The following ANKH variants were observed in gnomAD, a reference collection of about 807,000 sequenced individuals.
ANKH encodes mineralization regulator ANKH.
ANKH carries 15 observed loss-of-function variants against 49.0 expected under a neutral mutation model. That is an observed-to-expected ratio of 0.31 (90% CI 0.20 to 0.47). The LOEUF (loss-of-function observed/expected upper bound fraction) is 0.47. Among genes scored for constraint, ANKH ranks in the 20% least tolerant of loss-of-function variants. ANKH has a pLI of 1.00. For synonymous variants in ANKH, 273 were observed against 260.0 expected, an observed-to-expected ratio of 1.05 and a Z score of -0.48; for missense variants, 429 against 652.0, an observed-to-expected ratio of 0.66 and a Z score of 3.72.
At chr5:14,790,617 T>C (rs1740131753) in intron 1 of ANKH, among the ~76,000 whole-genome samples, 1 of 152,222 alleles carries the variant, frequency 6.6e-6, no homozygotes, top group South Asian at 2.1e-4. Context: ...TAAAATTATT[T>C]TCATATTCAT....
intron 7 of ANKH, among the ~76,000 whole-genome samples, chr5:14,744,380 A>G (rs1390106208): frequency 6.6e-6 from 1 of 152,224 alleles, no homozygotes; most frequent in Non-Finnish European, 1.5e-5. Flanking sequence ...TTCTGGGTCT[A>G]TCGCCCATTA....
chr5:14,822,900 G>A (rs984954392), intron 1 of ANKH, among the ~76,000 whole-genome samples: 2 of 152,162 alleles, frequency 1.3e-5, no homozygotes, highest in African/African-American at 4.8e-5. Flanking sequence ...TGGGCGCAGT[G>A]GTGCACGCCT....
intron 7 of ANKH, among the ~76,000 whole-genome samples, chr5:14,744,383 G>A (rs543882887): frequency 1.1e-4 from 16 of 152,318 alleles, no homozygotes; most frequent in African/African-American, 2.4e-4. Context: ...TGGGTCTATC[G>A]CCCATTAGCT....
chr5:14,746,014 C>T (rs1561035270), intron 6 of ANKH, 52 bp from the exon 7 acceptor site: 3 of 1,465,786 alleles, frequency 2.0e-6, no homozygotes, highest in Non-Finnish European at 2.9e-6. Context: ...GGAAGTCCTC[C>T]AGGAGCTACA....
At chr5:14,736,002 CTAACT>C (rs1374435499) in intron 8 of ANKH, among the ~76,000 whole-genome samples, 12 of 140,974 alleles carry the variant, frequency 8.5e-5, no homozygotes, top group African/African-American at 2.5e-4. Context: ...GAGTAAAAAC[CTAACT>C]TTTTTTTTTT....
chr5:14,796,646 C>T (rs375222680), intron 1 of ANKH, among the ~76,000 whole-genome samples: 9 of 152,048 alleles, frequency 5.9e-5, no homozygotes, highest in African/African-American at 2.2e-4. Flanking sequence ...AAATGTGCAT[C>T]CTGGAAACTC....
intron 1 of ANKH, among the ~76,000 whole-genome samples, chr5:14,803,256 G>A (rs1740615525): frequency 6.7e-6 from 1 of 149,488 alleles, no homozygotes; most frequent in African/African-American, 2.5e-5. Context: ...AGGTCTTTTA[G>A]TCTCTATCTC....
At chr5:14,851,922 AATGGATACAG>A (rs1238472544) in intron 1 of ANKH, among the ~76,000 whole-genome samples, 1 of 152,264 alleles carries the variant, frequency 6.6e-6, no homozygotes, top group Admixed American at 6.5e-5. Flanking sequence ...GGCCTAAATC[AATGGATACAG>A]TTAGGTGTTT....
At chr5:14,817,767 T>C (rs1442325199) in intron 1 of ANKH, among the ~76,000 whole-genome samples, 1 of 152,174 alleles carries the variant, frequency 6.6e-6, no homozygotes, top group Non-Finnish European at 1.5e-5. Context: ...CAACCCCCTC[T>C]TTCACTGTAA....
Position 14,741,839 on chromosome 5 carries a change from A to T in ANKH, c.999T>A (p.Ala333=). ...CCTCTGTCCTTACCGTGAGTGACAG[A>T]GCCATGCAGACGAAGGTGAACTTCT... is the stretch of plus-strand genomic sequence containing the variant. ...HIKKFTFVCM[A]LSLTLCFVMF... is the part of the protein sequence containing the mutation. The change falls in exon 8 of 12, where the codon GCT becomes GCA. Residue 333 remains alanine (A), a synonymous_variant. Coordinates refer to ENST00000284268, the MANE Select transcript of ANKH (RefSeq NM_054027.6). 6.2e-7 allele frequency: 1 copy of T among 1,614,028 alleles called. No individual in the cohort carries two copies. The highest frequency in any genetic ancestry group is 8.5e-7 in the Non-Finnish European group (1 of 1,179,896).
chr5:14,757,428 ATATT>A (rs1738931478), intron 3 of ANKH, among the ~76,000 whole-genome samples: 1 of 128,126 alleles, frequency 7.8e-6, no homozygotes, highest in African/African-American at 3.2e-5. Context: ...ATATATATAT[ATATT>A]TTTTTTTTTT....
At chr5:14,711,463 T>G (rs1737201552) in intron 11 of ANKH, among the ~76,000 whole-genome samples, 153 bp from the exon 12 acceptor site, 1 of 152,210 alleles carries the variant, frequency 6.6e-6, no homozygotes, top group Admixed American at 6.5e-5. Flanking sequence ...CTTTTGCATC[T>G]TAGCTCAGTG....
intron 2 of ANKH, among the ~76,000 whole-genome samples, chr5:14,760,627 T>G (rs1391359922): frequency 6.6e-6 from 1 of 152,192 alleles, no homozygotes; most frequent in African/African-American, 2.4e-5. Flanking sequence ...TTGCCCACAT[T>G]GCTGTCCCCA....
At chr5:14,836,246 T>G (rs1262970211) in intron 1 of ANKH, among the ~76,000 whole-genome samples, 1 of 152,024 alleles carries the variant, frequency 6.6e-6, no homozygotes, top group Non-Finnish European at 1.5e-5. Flanking sequence ...CTATTCAACA[T>G]AGTGTTGGAA....
chr5:14,776,058 C>T (rs77593292), intron 1 of ANKH, among the ~76,000 whole-genome samples: 53 of 152,276 alleles, frequency 3.5e-4, no homozygotes, highest in African/African-American at 1.2e-3. Flanking sequence ...TGGGTCCCAA[C>T]GCCTGGCTCA....
chr5:14,837,108 A>C (rs1469877602), intron 1 of ANKH, among the ~76,000 whole-genome samples: 1 of 152,074 alleles, frequency 6.6e-6, no homozygotes, highest in Admixed American at 6.6e-5. Context: ...CACCTTATAC[A>C]AAAATTAATT....
chr5:14,762,542 A>C (rs1739121119), intron 2 of ANKH, among the ~76,000 whole-genome samples: 1 of 152,164 alleles, frequency 6.6e-6, no homozygotes, highest in East Asian at 1.9e-4. Context: ...CCAAGGGAAG[A>C]AGCTTTTCCT....
intron 1 of ANKH, chr5:14,870,671 T>C (rs548002532): frequency 6.6e-6 from 1 of 152,666 alleles, no homozygotes; most frequent in South Asian, 1.9e-4. Flanking sequence ...AGATTTTCAA[T>C]GACGCCACAT....
At chr5:14,832,719 A>G (rs978172013) in intron 1 of ANKH, among the ~76,000 whole-genome samples, 1 of 152,224 alleles carries the variant, frequency 6.6e-6, no homozygotes, top group Non-Finnish European at 1.5e-5. Context: ...ATTTGCCTGT[A>G]GAGTTTGTTG....
Sources: allele counts gnomAD v4.1 joint callset (sites outside exome capture counted in the v4.1 genomes callset), GRCh38; gene constraint gnomAD v4.1.1; transcripts MANE v1.5; gene names NCBI Gene and HGNC (gene_info 2026-07-23, HGNC 2026-07-21).